The following ARHGEF3 variants were observed in gnomAD, a reference collection of about 807,000 sequenced individuals.
ARHGEF3 encodes the protein Rho guanine nucleotide exchange factor 3, also known as 59.8 kDA protein.
ARHGEF3 carries 28 observed loss-of-function variants against 63.2 expected under a neutral mutation model. That is an observed-to-expected ratio of 0.44 (90% CI 0.33 to 0.61). ARHGEF3 has a LOEUF of 0.61. ARHGEF3 is among the 20% of genes least tolerant of loss of function. The probability of loss-of-function intolerance (pLI) is 0.03; values close to 1 mark genes in which losing one functional copy is unlikely to be tolerated. For missense variants in ARHGEF3, 533 were observed against 659.3 expected, an observed-to-expected ratio of 0.81 and a Z score of 2.10; for synonymous variants, 266 against 254.2, an observed-to-expected ratio of 1.05 and a Z score of -0.44.
At chr3:56,946,730 C>G (rs2106642671) in intron 3 of ARHGEF3, among the ~76,000 whole-genome samples, 1 of 152,274 alleles carries the variant, frequency 6.6e-6, no homozygotes, top group Non-Finnish European at 1.5e-5. Flanking sequence ...AGAACTTCCC[C>G]AATCTAGCAA....
rs75306174 is a variant in ARHGEF3 at position 56,795,224 on chromosome 3, T to C, written c.96+6479A>G. On this transcript the variant is annotated intron_variant, in intron 1 of 9. Coordinates refer to ENST00000296315, the MANE Select transcript of ARHGEF3 (RefSeq NM_019555.3). The stretch of plus-strand genomic sequence containing the variant: ...GCCAACTGTATACAACCTGAAATGT[T>C]GTCCCTGGAGGTGTTAAGCAGAGAT... Among the ~76,000 whole-genome samples the C allele has an allele frequency of 3.5e-4, 54 of 152,270 alleles. 1 individual carries two copies. The East Asian group carries it at 0.01, about 28-fold the overall frequency.
At chr3:57,014,705 G>C (rs1173777514) in intron 2 of ARHGEF3, among the ~76,000 whole-genome samples, 1 of 146,324 alleles carries the variant, frequency 6.8e-6, no homozygotes. Context: ...TTTTGAGACA[G>C]AGTCTCGCTG....
chr3:56,967,278 TTATATTA>T (rs1372410190), intron 2 of ARHGEF3, among the ~76,000 whole-genome samples: 1 of 68,986 alleles, frequency 1.4e-5, no homozygotes, highest in African/African-American at 3.7e-5. Context: ...TATAATAATA[TTATATTA>T]TATATTATAC....
chr3:56,802,178 T>C (rs1158149965), upstream of ARHGEF3, among the ~76,000 whole-genome samples: 3 of 152,288 alleles, frequency 2.0e-5, no homozygotes, highest in African/African-American at 7.2e-5. Flanking sequence ...TGGGCCGCGA[T>C]TGCGGGGCAG....
chr3:56,806,689 TC>T (rs2037871791), upstream of ARHGEF3, among the ~76,000 whole-genome samples: 2 of 152,142 alleles, frequency 1.3e-5, no homozygotes, highest in African/African-American at 4.8e-5. Context: ...GGTTATTAGC[TC>T]CTTTTAGACT....
chr3:57,052,350 G>A (rs112005131), intron 1 of ARHGEF3, among the ~76,000 whole-genome samples: 11,972 of 152,032 alleles, frequency 0.079, 645 homozygotes, highest in East Asian at 0.19. Context: ...AGGCTGGAGT[G>A]CAGTGGTGTG....
chr3:57,064,200 T>TA (rs1473147198), intron 1 of ARHGEF3, among the ~76,000 whole-genome samples: 1 of 151,800 alleles, frequency 6.6e-6, no homozygotes, highest in Non-Finnish European at 1.5e-5. Context: ...GCCTGGGGGG[T>TA]AGAGGTTGCA....
intron 2 of ARHGEF3, among the ~76,000 whole-genome samples, chr3:56,980,087 C>T (rs1167148365): frequency 6.6e-6 from 1 of 152,238 alleles, no homozygotes; most frequent in Non-Finnish European, 1.5e-5. Flanking sequence ...CGCACCTCAA[C>T]TTACAATGGT....
At chr3:57,021,505 C>T (rs1238130042) in intron 2 of ARHGEF3, among the ~76,000 whole-genome samples, 1 of 152,126 alleles carries the variant, frequency 6.6e-6, no homozygotes, top group Non-Finnish European at 1.5e-5. Flanking sequence ...CACCTGTAAT[C>T]CCAGCACTTT....
At chr3:57,010,251 G>A (rs1579079744) in intron 2 of ARHGEF3, among the ~76,000 whole-genome samples, 3 of 152,002 alleles carry the variant, frequency 2.0e-5, no homozygotes, top group Middle Eastern at 3.4e-3. Flanking sequence ...TCAGGAGATA[G>A]AGACCATCCT....
chr3:56,761,266 G>A (rs2035402238), intron 2 of ARHGEF3, among the ~76,000 whole-genome samples: 1 of 152,110 alleles, frequency 6.6e-6, no homozygotes, highest in Non-Finnish European at 1.5e-5. Flanking sequence ...AGCTACCCCT[G>A]AACCCATCAT....
intron 1 of ARHGEF3, among the ~76,000 whole-genome samples, chr3:56,799,149 T>C (rs2107958095): frequency 6.6e-6 from 1 of 152,366 alleles, no homozygotes; most frequent in African/African-American, 2.4e-5. Context: ...TTTAAGAGAA[T>C]GCTTATTTTT....
At chr3:56,756,057 C>A (rs1349416923) in intron 2 of ARHGEF3, among the ~76,000 whole-genome samples, 1 of 152,204 alleles carries the variant, frequency 6.6e-6, no homozygotes, top group Non-Finnish European at 1.5e-5. Flanking sequence ...ATCTTTGCAG[C>A]ACATGATTCC....
chr3:57,039,978 A>G (rs751928944), intron 1 of ARHGEF3, among the ~76,000 whole-genome samples: 6 of 152,198 alleles, frequency 3.9e-5, no homozygotes, highest in Non-Finnish European at 7.3e-5. Context: ...TGGGAGGGCC[A>G]TTATGTGACC....
chr3:56,802,033 C>G, upstream of ARHGEF3: 1 of 1,394,662 alleles, frequency 7.2e-7, no homozygotes, highest in Non-Finnish European at 9.3e-7. Context: ...CGGCACCGCC[C>G]CACGCTGCCG....
chr3:56,933,793 T>G (rs1440741174), intron 3 of ARHGEF3, among the ~76,000 whole-genome samples: 1 of 152,228 alleles, frequency 6.6e-6, no homozygotes, highest in East Asian at 1.9e-4. Flanking sequence ...GGTCTGACTC[T>G]GTGTCCCCAC....
intron 4 of ARHGEF3, among the ~76,000 whole-genome samples, chr3:56,830,770 G>A (rs1028932218): frequency 3.9e-5 from 6 of 152,170 alleles, no homozygotes; most frequent in Non-Finnish European, 7.3e-5. Flanking sequence ...TGCCAGGCCA[G>A]GACATTTGTG....
At chr3:56,858,243 CAAAAAAA>C (rs10543472) in intron 4 of ARHGEF3, among the ~76,000 whole-genome samples, 1 of 88,102 alleles carries the variant, frequency 1.1e-5, no homozygotes, top group Non-Finnish European at 2.3e-5. Flanking sequence ...GACCCTGTCT[CAAAAAAA>C]AAAAAAAAAA....
intron 1 of ARHGEF3, among the ~76,000 whole-genome samples, chr3:57,066,268 T>C (rs1209721824): frequency 6.6e-6 from 1 of 151,602 alleles, no homozygotes; most frequent in Admixed American, 6.6e-5. Flanking sequence ...TTTCCTTTCT[T>C]TCTTTTTTTT....
Sources: allele counts gnomAD v4.1 joint callset (sites outside exome capture counted in the v4.1 genomes callset), GRCh38; gene constraint gnomAD v4.1.1; transcripts MANE v1.5; gene names NCBI Gene and HGNC (gene_info 2026-07-23, HGNC 2026-07-21).